The following PDS5B variants were observed in gnomAD, a reference collection of about 807,000 sequenced individuals.
PDS5B encodes PDS5 cohesin associated factor B.
In PDS5B, 51 loss-of-function variants were observed where a neutral mutation model predicts 184.1. That is an observed-to-expected ratio of 0.28 (90% confidence interval 0.22 to 0.35). The LOEUF (loss-of-function observed/expected upper bound fraction) is 0.35. Among genes scored for constraint, PDS5B ranks in the 10% least tolerant of loss-of-function variants. The probability of loss-of-function intolerance (pLI) is 1.00; values close to 1 mark genes in which losing one functional copy is unlikely to be tolerated. For missense variants in PDS5B, 1,180 were observed against 1,723.3 expected (o/e 0.68, Z 5.58); for synonymous variants, 566 against 569.2 (o/e 0.99, Z 0.08).
chr13:32,644,832 A>C (rs985888603), intron 1 of PDS5B, among the ~76,000 whole-genome samples: 1 of 152,184 alleles, frequency 6.6e-6, no homozygotes, highest in Admixed American at 6.5e-5. Flanking sequence ...TCTGTTTAGT[A>C]TATAATTTAA....
chr13:32,703,028 A>C (rs915499836), intron 17 of PDS5B, among the ~76,000 whole-genome samples: 1 of 152,176 alleles, frequency 6.6e-6, no homozygotes, highest in East Asian at 1.9e-4. Context: ...GAAGAACCAG[A>C]AATATTAGGA....
At chr13:32,692,362 G>A (rs528089520) in intron 13 of PDS5B, among the ~76,000 whole-genome samples, 16 of 144,712 alleles carry the variant, frequency 1.1e-4, no homozygotes, top group African/African-American at 1.7e-4. Flanking sequence ...AGATGGTATC[G>A]GGGTCTTTGT....
At chr13:32,635,559 G>T (rs2058536354) in intron 1 of PDS5B, among the ~76,000 whole-genome samples, 1 of 148,106 alleles carries the variant, frequency 6.8e-6, no homozygotes. Flanking sequence ...GGCCAGGATG[G>T]TCTTGATCTC....
intron 3 of PDS5B, among the ~76,000 whole-genome samples, chr13:32,653,979 G>C (rs1017967710): frequency 1.3e-5 from 2 of 152,178 alleles, no homozygotes; most frequent in Admixed American, 1.3e-4. Flanking sequence ...CTAAAGAATA[G>C]CTACATATCT....
At chr13:32,640,026 C>G (rs2058630695) in intron 1 of PDS5B, among the ~76,000 whole-genome samples, 1 of 152,102 alleles carries the variant, frequency 6.6e-6, no homozygotes, top group Non-Finnish European at 1.5e-5. Context: ...TTAGTCAGTA[C>G]TTTGTTTTCC....
intron 33 of PDS5B, among the ~76,000 whole-genome samples, chr13:32,772,184 G>T (rs978186353): frequency 6.6e-6 from 1 of 152,146 alleles, no homozygotes; most frequent in South Asian, 2.1e-4. Flanking sequence ...GTTCGAGCGT[G>T]AGTTAAAAAA....
At chr13:32,616,857 T>G (rs1256673402) in intron 1 of PDS5B, among the ~76,000 whole-genome samples, 1 of 152,240 alleles carries the variant, frequency 6.6e-6, no homozygotes, top group Non-Finnish European at 1.5e-5. Context: ...AGTTTACTGT[T>G]TATTTCTGAA....
chr13:32,593,497 C>T (rs765458485), intron 1 of PDS5B, among the ~76,000 whole-genome samples: 8 of 152,164 alleles, frequency 5.3e-5, no homozygotes, highest in Non-Finnish European at 8.8e-5. Flanking sequence ...CCTGCCACCA[C>T]GCCCGGCTAA....
At position 32,760,596 on chromosome 13, in the gene PDS5B, G is replaced by A; in HGVS notation, c.3394G>A (p.Gly1132Arg). Residue 1132 changes from glycine (G) to arginine (R), a missense_variant, in exon 30 of 35, where the codon GGA (glycine) becomes AGA (arginine). Around this residue, in one of 11 missense-constraint regions of PDS5B, gnomAD observed 465 missense variants for 497.8 expected, o/e 0.93. Coordinates refer to ENST00000315596, the MANE Select transcript of PDS5B (RefSeq NM_015032.4). ...PGKPKTTNVL[G>R]AVNKPLSSAG... ...TCAGCCTAAAACAACCAATGTTCTA[G>A]GAGCTGTTAACAAGCCACTTTCATC... 1.2e-6 allele frequency: 2 copies of A among 1,613,906 alleles called. No homozygotes were observed. Among genetic ancestry groups the A allele is most frequent in the African/African-American group, 1.3e-5 (1 of 75,014 alleles).
chr13:32,610,877 G>A (rs1453669259), intron 1 of PDS5B, among the ~76,000 whole-genome samples: 1 of 151,960 alleles, frequency 6.6e-6, no homozygotes, highest in Non-Finnish European at 1.5e-5. Flanking sequence ...GGTACTCAGT[G>A]TTATTCCTCT....
intron 19 of PDS5B, among the ~76,000 whole-genome samples, chr13:32,719,858 T>A (rs1403616290): frequency 1.4e-5 from 2 of 146,642 alleles, no homozygotes; most frequent in African/African-American, 5.0e-5. Context: ...GCTTGATCTC[T>A]TGGCTCACTG....
chr13:32,758,146 T>G lies in PDS5B; in HGVS notation c.3116T>G (p.Phe1039Cys). 6.5e-7 allele frequency: 1 copy of G among 1,550,200 alleles called. No individual in the cohort carries two copies. Residue 1039 changes from phenylalanine (F) to cysteine (C), a missense_variant, in exon 27 of 35, where the codon TTT becomes TGT. Around this residue, in one of 11 missense-constraint regions of PDS5B, gnomAD observed 465 missense variants for 497.8 expected, o/e 0.93. Transcript: ENST00000315596. The stretch of plus-strand genomic sequence containing the variant: ...AAAAATGAAAATAACAGTCACGCTT[T>G]TATCAGAAAGATGGTAGAAAATATT... Reference protein sequence around the residue: ...MAKNENNSHAFIRKMVENIKQ... With the variant: ...MAKNENNSHACIRKMVENIKQ...
At chr13:32,743,579 C>G (rs748919424) in intron 23 of PDS5B, among the ~76,000 whole-genome samples, 10 of 152,038 alleles carry the variant, frequency 6.6e-5, no homozygotes, top group Non-Finnish European at 1.3e-4. Flanking sequence ...TATCTAAAGA[C>G]TTTAATAAGA....
chr13:32,597,620 C>T (rs1390573184), intron 1 of PDS5B, among the ~76,000 whole-genome samples: 3 of 150,474 alleles, frequency 2.0e-5, no homozygotes, highest in Non-Finnish European at 4.4e-5. Flanking sequence ...GCAGGGGGTG[C>T]GGGGGTTGCA....
intron 17 of PDS5B, among the ~76,000 whole-genome samples, chr13:32,703,218 A>G (rs922007567): frequency 2.0e-5 from 3 of 152,202 alleles, no homozygotes; most frequent in African/African-American, 7.2e-5. Context: ...CAGATTGTAT[A>G]GAAAGAAGTA....
intron 26 of PDS5B, 25 bp from the exon 27 acceptor site, chr13:32,758,058 ATTTC>A: frequency 4.1e-6 from 4 of 972,868 alleles, no homozygotes; most frequent in Non-Finnish European, 5.6e-6. Context: ...TTTCTTCTAT[ATTTC>A]TTTTTTCCTT....
intron 1 of PDS5B, among the ~76,000 whole-genome samples, chr13:32,626,069 AC>A (rs1165079053): frequency 6.6e-6 from 1 of 151,942 alleles, no homozygotes; most frequent in Non-Finnish European, 1.5e-5. Context: ...TGAACTCCTG[AC>A]CCCGAGTGAT....
intron 19 of PDS5B, among the ~76,000 whole-genome samples, chr13:32,721,328 G>T (rs555118676): frequency 2.6e-5 from 4 of 152,058 alleles, no homozygotes; most frequent in Middle Eastern, 3.4e-3. Context: ...CCTCCCAGAC[G>T]GGGCGGCTGC....
intron 1 of PDS5B, among the ~76,000 whole-genome samples, chr13:32,623,768 TTTTC>T (rs1214212404): frequency 1.3e-5 from 2 of 152,148 alleles, no homozygotes; most frequent in Non-Finnish European, 1.5e-5. Flanking sequence ...TCCATTTCTT[TTTTC>T]TTTCTGTTAG....
Sources: allele counts gnomAD v4.1 joint callset (sites outside exome capture counted in the v4.1 genomes callset), GRCh38; gene constraint gnomAD v4.1.1; regional missense constraint gnomAD v4.1.1; transcripts MANE v1.5; gene names NCBI Gene and HGNC (gene_info 2026-07-23, HGNC 2026-07-21).